The following HCN3 variants were observed in gnomAD, a reference collection of about 807,000 sequenced individuals.
HCN3 encodes potassium/sodium hyperpolarization-activated cyclic nucleotide-gated channel 3.
Under a neutral mutation model 56.8 loss-of-function variants are expected in HCN3, and 36 were observed. The ratio of observed to expected loss-of-function variants is 0.63; its 90% confidence interval spans 0.49 to 0.84. The LOEUF (loss-of-function observed/expected upper bound fraction) is 0.84, where lower values mean the gene tolerates loss of function less well. Ranked by LOEUF, HCN3 falls within the 40% of genes least tolerant of loss-of-function variation. HCN3 has a pLI of 0.00. For synonymous variants in HCN3, 425 were observed against 439.7 expected (o/e 0.97, Z 0.42); for missense variants, 930 against 1,079.3 (o/e 0.86, Z 1.94).
At position 155,288,017 on chromosome 1, in the gene HCN3, C is replaced by T; in HGVS notation, c.1879C>T (p.Gln627Ter). The change falls in exon 8 of 8, where the codon CAG becomes TAG. Residue 627 changes from glutamine (Q) to a stop codon, truncating the protein, a stop_gained. Transcript: ENST00000368358. LOFTEE classifies it high-confidence loss of function. This position sits in a 1 kb window ranked among gnomAD's most constrained non-coding sequence, Gnocchi z 6.5. Reference protein sequence around the residue: ...TSNVAIALTHQRGPLPLSPDS... With the variant: ...TSNVAIALTH The stretch of plus-strand genomic sequence containing the variant: ...CAATGTGGCCATTGCCCTGACTCAT[C>T]AGCGGGGCCCTCTGCCCCTCTCCCC... 1 of 1,614,016 alleles carries T rather than the reference C, an allele frequency of 6.2e-7. No individual in the cohort carries two copies. Among genetic ancestry groups the T allele is most frequent in the Non-Finnish European group, 8.5e-7 (1 of 1,180,006 alleles).
In HCN3 at chr1:155,282,818, G is replaced by T; in HGVS notation, c.686G>T (p.Arg229Leu). The T allele has an allele frequency of 6.2e-7, 1 of 1,605,324 alleles. No individual in the cohort carries two copies. Among genetic ancestry groups the T allele is most frequent in the Non-Finnish European group, 8.5e-7 (1 of 1,175,978 alleles). Residue 229 changes from arginine (R) to leucine (L), a missense_variant, in exon 2 of 8, where the codon CGC (arginine) becomes CTC (leucine). Physicochemically the swap from Arg to Leu is moderately radical, Grantham distance 102. Transcript: ENST00000368358. The surrounding 1 kb of genome is among the most constrained non-coding windows in gnomAD (Gnocchi z 4.7). Reference sequence around the variant, plus strand: ...CTGCTCCGCCTCTCCCGCCTCATCCGCTACATACACCAGTGGGAGGAGGTG... The same window carrying T: ...CTGCTCCGCCTCTCCCGCCTCATCCTCTACATACACCAGTGGGAGGAGGTG... ...LRLLRLSRLI[R>L]YIHQWEEIFH... is the part of the protein sequence containing the mutation.
At position 155,284,657 on chromosome 1, in the gene HCN3, T is replaced by C. The variant is rs758727563; in HGVS notation, c.989T>C (p.Leu330Pro). 6.2e-7 allele frequency: 1 copy of C among 1,614,204 alleles called. No individual in the cohort carries two copies. Among genetic ancestry groups the C allele is most frequent in the South Asian group, 1.1e-5 (1 of 91,088 alleles). ...ATGCCCGACGTCTGGCTCACCATGC[T>C]CAGCATGATCGTAGGTGCCACATGC... Reference protein sequence around the residue: ...VGMPDVWLTMLSMIVGATCYA... With the variant: ...VGMPDVWLTMPSMIVGATCYA... The change falls in exon 4 of 8, where the codon CTC (leucine) becomes CCC (proline). Residue 330 changes from leucine to proline, a missense_variant. Transcript: ENST00000368358. The surrounding 1 kb of genome is among the most constrained non-coding windows in gnomAD (Gnocchi z 4.3).
At position 155,284,069 on chromosome 1, in the gene HCN3, G is replaced by C. The variant is rs1674178708; in HGVS notation, c.804G>C (p.Leu268=). 2.5e-6 allele frequency: 4 copies of C among 1,614,184 alleles called. No individual in the cohort carries two copies. Among genetic ancestry groups the C allele is most frequent in the Non-Finnish European group, 3.4e-6 (4 of 1,180,022 alleles). Residue 268 remains leucine (L), a synonymous_variant, in exon 3 of 8, where the codon CTG becomes CTC. Coordinates refer to ENST00000368358, the MANE Select transcript of HCN3 (RefSeq NM_020897.3). The surrounding 1 kb of genome is among the most constrained non-coding windows in gnomAD (Gnocchi z 4.3). ...TGCTATGTCACTGGGATGGCTGTCT[G>C]CAGTTCCTGGTGCCCATGCTGCAGG... is the stretch of plus-strand genomic sequence containing the variant. ...MLLLCHWDGC[L]QFLVPMLQDF... is the part of the protein sequence containing the mutation.
chr1:155,285,141 C>G lies in HCN3; in HGVS notation c.1090-24C>G. Reference sequence around the variant, plus strand: ...AAATCTCTCCCTCTGTCCTCTTGCCCCTGGCAATGGGCTGGCCCTCCAGTA... The same window carrying G: ...AAATCTCTCCCTCTGTCCTCTTGCCGCTGGCAATGGGCTGGCCCTCCAGTA... On this transcript the variant is annotated intron_variant, in intron 4 of 7. Coordinates refer to ENST00000368358, the MANE Select transcript of HCN3 (RefSeq NM_020897.3). This position sits in a 1 kb window ranked among gnomAD's most constrained non-coding sequence, Gnocchi z 4.5. 1 of 1,610,432 alleles carries G rather than the reference C, an allele frequency of 6.2e-7. No homozygotes were observed. Among genetic ancestry groups the G allele is most frequent in the East Asian group, 2.2e-5 (1 of 44,788 alleles).
In HCN3 at chr1:155,285,897, T is replaced by C. The variant is rs773908124; in HGVS notation, c.1410T>C (p.His470=). ...GGAGGAAGATGTACTTCATCCAGCA[T>C]GGGCTGCTCAGTGTGCTGGCCCGCG... is the stretch of plus-strand genomic sequence containing the variant. ...SVGRKMYFIQ[H]GLLSVLARGA... The change falls in exon 6 of 8, where the codon CAT becomes CAC. Residue 470 remains histidine (H), a synonymous_variant. Coordinates refer to ENST00000368358, the MANE Select transcript of HCN3 (RefSeq NM_020897.3). This position sits in a 1 kb window ranked among gnomAD's most constrained non-coding sequence, Gnocchi z 4.5. 4.0e-5 allele frequency: 65 copies of C among 1,613,164 alleles called. No homozygotes were observed. Among genetic ancestry groups the C allele is most frequent in the Non-Finnish European group, 5.4e-5 (64 of 1,179,288 alleles).
At position 155,287,345 on chromosome 1, in the gene HCN3, C is replaced by T. The variant is rs1426590099; in HGVS notation, c.1642+8C>T. On this transcript the variant is annotated splice_region_variant and intron_variant, in intron 7 of 7. Coordinates refer to ENST00000368358, the MANE Select transcript of HCN3 (RefSeq NM_020897.3). ...ATCGGCTGCTCCGCATCGGTGAGAC[C>T]TGTCCACCCCATCTGCTCTGGGTCC... 6.2e-7 allele frequency: 1 copy of T among 1,613,570 alleles called. No homozygotes were observed. Among genetic ancestry groups the T allele is most frequent in the Non-Finnish European group, 8.5e-7 (1 of 1,179,838 alleles).
rs867092241 is a variant in HCN3, at chr1:155,285,263, G to A, written c.1188G>A (p.Met396Ile). 4 of 1,614,116 alleles carry A rather than the reference G, an allele frequency of 2.5e-6. No individual in the cohort carries two copies. The highest frequency in any genetic ancestry group is 2.2e-5 in the South Asian group (2 of 91,084). ...ATGAGCACCGCTACCAGGGCAAGATGTTCGATGAGGAAAGCATCCTGGGCG... is the reference window on the plus strand; with the variant it reads ...ATGAGCACCGCTACCAGGGCAAGATATTCGATGAGGAAAGCATCCTGGGCG... ...EYYEHRYQGK[M>I]FDEESILGEL... Residue 396 changes from methionine (M) to isoleucine (I), a missense_variant, in exon 5 of 8, where the codon ATG (methionine) becomes ATA (isoleucine). By Grantham distance (10) the Met-to-Ile change is conservative. Coordinates refer to ENST00000368358, the MANE Select transcript of HCN3 (RefSeq NM_020897.3). This position sits in a 1 kb window ranked among gnomAD's most constrained non-coding sequence, Gnocchi z 4.5.
intron 7 of HCN3, 79 bp downstream of exon 7, chr1:155,287,416 A>G (rs1674332803): frequency 3.3e-6 from 5 of 1,515,592 alleles, no homozygotes; most frequent in Non-Finnish European, 4.5e-6. Flanking sequence ...CCCAGGCTTT[A>G]GGGCTCCAGG....
At chr1:155,277,895 G>A in intron 1 of HCN3, 27 bp downstream of exon 1, 1 of 1,604,496 alleles carries the variant, frequency 6.2e-7, no homozygotes, top group South Asian at 1.1e-5. Flanking sequence ...GGGGAGGGCA[G>A]GGTACATCAA....
In HCN3 at chr1:155,277,673, C is replaced by A. The variant is rs758714511; in HGVS notation, c.83C>A (p.Pro28Gln). 4.6e-5 allele frequency: 71 copies of A among 1,557,306 alleles called. No homozygotes were observed. The highest frequency in any genetic ancestry group is 5.8e-5 in the Non-Finnish European group (67 of 1,151,626). ...GLEAVPPVAPPPATAASGPIP... is the reference protein window; with the variant it reads ...GLEAVPPVAPQPATAASGPIP... ...GAGGCGGTGCCTCCCGTTGCTCCCC[C>A]GCCTGCGACCGCGGCCTCAGGTCCG... The change falls in exon 1 of 8, where the codon CCG becomes CAG. Residue 28 changes from proline (P) to glutamine (Q), a missense_variant. Physicochemically the swap from Pro to Gln is moderately conservative, Grantham distance 76. Transcript: ENST00000368358.
rs1674254960 is a variant in HCN3, at chr1:155,285,725, A to T, written c.1238A>T (p.Glu413Val). 6.2e-7 allele frequency: 1 copy of T among 1,613,976 alleles called. No individual in the cohort carries two copies. Among genetic ancestry groups the T allele is most frequent in the Non-Finnish European group, 8.5e-7 (1 of 1,179,980 alleles). The change falls in exon 6 of 8, where the codon GAG (glutamate) becomes GTG (valine). Residue 413 changes from glutamate to valine, a missense_variant and splice_region_variant. Transcript: ENST00000368358. The surrounding 1 kb of genome is among the most constrained non-coding windows in gnomAD (Gnocchi z 4.5). ...LGELSEPLRE[E>V]IINFTCRGLV... is the part of the protein sequence containing the mutation. The stretch of plus-strand genomic sequence containing the variant: ...CTGACAGGCCCCTCCCCTGTCCAGG[A>T]GATCATTAACTTCACCTGTCGGGGC...
In HCN3 at chr1:155,285,360, G is replaced by A; in HGVS notation, c.1236+49G>A. On this transcript the variant is annotated intron_variant, in intron 5 of 7. Coordinates refer to ENST00000368358, the MANE Select transcript of HCN3 (RefSeq NM_020897.3). The surrounding 1 kb of genome is among the most constrained non-coding windows in gnomAD (Gnocchi z 4.5). ...GGGGGGCTCTTCAGGGACCTGGAGTGCTGTCTGGTGGTAGGGGCTATTGGT... is the reference window on the plus strand; with the variant it reads ...GGGGGGCTCTTCAGGGACCTGGAGTACTGTCTGGTGGTAGGGGCTATTGGT... The A allele has an allele frequency of 6.2e-7, 1 of 1,602,630 alleles. No individual in the cohort carries two copies. The highest frequency in any genetic ancestry group is 1.3e-5 in the African/African-American group (1 of 74,860).
chr1:155,278,156 T>TC (rs964310633), intron 1 of HCN3, among the ~76,000 whole-genome samples: 6 of 152,102 alleles, frequency 3.9e-5, no homozygotes, highest in African/African-American at 1.4e-4. Flanking sequence ...CGGGACCCCA[T>TC]CCGGACCAAA....
chr1:155,287,860 G>C lies in HCN3; in HGVS notation c.1722G>C (p.Leu574Phe). The C allele has an allele frequency of 6.2e-7, 1 of 1,614,008 alleles. No individual in the cohort carries two copies. The highest frequency in any genetic ancestry group is 1.3e-5 in the African/African-American group (1 of 75,038). ...GTGGTGGCATCATGGAGCAGCACTTGGTGCAACATGACAGAGACATGGCTC... is the reference window on the plus strand; with the variant it reads ...GTGGTGGCATCATGGAGCAGCACTTCGTGCAACATGACAGAGACATGGCTC... ...GSSGGIMEQH[L>F]VQHDRDMARG... Residue 574 changes from leucine to phenylalanine, a missense_variant, in exon 8 of 8, where the codon TTG (leucine) becomes TTC (phenylalanine). By Grantham distance (22) the Leu-to-Phe change is conservative. Transcript: ENST00000368358.
At position 155,282,752 on chromosome 1, in the gene HCN3, T is replaced by TACGCATC. The variant is rs1395742679; in HGVS notation, c.621_627dup (p.Val210ThrfsTer36). 6.2e-7 allele frequency: 1 copy of TACGCATC among 1,614,174 alleles called. No homozygotes were observed. The highest frequency in any genetic ancestry group is 2.2e-5 in the East Asian group (1 of 44,884). The stretch of plus-strand genomic sequence containing the variant: ...GAGGTCTACAAAACGGCACGGGCCC[T>TACGCATC]ACGCATCGTTCGCTTCACCAAGATC... On this transcript the variant is annotated frameshift_variant, in exon 2 of 8. Transcript: ENST00000368358. LOFTEE classifies it high-confidence loss of function. This position sits in a 1 kb window ranked among gnomAD's most constrained non-coding sequence, Gnocchi z 4.7.
At chr1:155,278,732 A>G (rs1242809590) in intron 1 of HCN3, among the ~76,000 whole-genome samples, 1 of 152,090 alleles carries the variant, frequency 6.6e-6, no homozygotes, top group Non-Finnish European at 1.5e-5. Flanking sequence ...GAATCCACAT[A>G]TATACACACT....
In HCN3 at chr1:155,285,671, G is replaced by A. The variant is rs1572041432; in HGVS notation, c.1237-53G>A. 4 of 1,603,576 alleles carry A rather than the reference G, an allele frequency of 2.5e-6. No individual in the cohort carries two copies. The highest frequency in any genetic ancestry group is 1.3e-5 in the African/African-American group (1 of 74,828). ...TTCTGGAAGCGGATGAGCTCGGTGG[G>A]ATCATCTCAGGTCAGGGGCACAGCC... On this transcript the variant is annotated intron_variant, in intron 5 of 7. Coordinates refer to ENST00000368358, the MANE Select transcript of HCN3 (RefSeq NM_020897.3). This position sits in a 1 kb window ranked among gnomAD's most constrained non-coding sequence, Gnocchi z 4.5.
In HCN3 at chr1:155,287,900, C is replaced by A. The variant is rs547306239; in HGVS notation, c.1762C>A (p.Arg588=). 2 of 1,613,918 alleles carry A rather than the reference C, an allele frequency of 1.2e-6. No individual in the cohort carries two copies. The highest frequency in any genetic ancestry group is 2.7e-5 in the African/African-American group (2 of 75,024). ...AGACATGGCTCGGGGTGTTCGGGGTCGGGCCCCGAGCACAGGAGCTCAGCT... is the reference window on the plus strand; with the variant it reads ...AGACATGGCTCGGGGTGTTCGGGGTAGGGCCCCGAGCACAGGAGCTCAGCT... ...DRDMARGVRG[R]APSTGAQLSG... The change falls in exon 8 of 8, where the codon CGG becomes AGG. Residue 588 remains arginine (R), a synonymous_variant. Coordinates refer to ENST00000368358, the MANE Select transcript of HCN3 (RefSeq NM_020897.3).
At position 155,287,172 on chromosome 1, in the gene HCN3, G is replaced by A. The variant is rs757738076; in HGVS notation, c.1478-1G>A. 1 of 1,612,338 alleles carries A rather than the reference G, an allele frequency of 6.2e-7. No individual in the cohort carries two copies. Among genetic ancestry groups the A allele is most frequent in the Non-Finnish European group, 8.5e-7 (1 of 1,179,916 alleles). On this transcript the variant is annotated splice_acceptor_variant, in intron 6 of 7. Transcript: ENST00000368358. LOFTEE classifies it high-confidence loss of function. Reference sequence around the variant, plus strand: ...CTGAAGCTTCCTCCCAATTTCTGCAGAGATCTGCCTGCTAACTAGGGGCCG... The same window carrying A: ...CTGAAGCTTCCTCCCAATTTCTGCAAAGATCTGCCTGCTAACTAGGGGCCG...
Sources: allele counts gnomAD v4.1 joint callset (sites outside exome capture counted in the v4.1 genomes callset), GRCh38; gene constraint gnomAD v4.1.1; non-coding constraint Gnocchi (gnomAD v3.1); transcripts MANE v1.5; gene names NCBI Gene and HGNC (gene_info 2026-07-23, HGNC 2026-07-21).